The following CCDC7 variants were observed in gnomAD, a reference collection of about 807,000 sequenced individuals.
The protein encoded by CCDC7 is coiled-coil domain containing 7.
Under a neutral mutation model 196.9 loss-of-function variants are expected in CCDC7, and 183 were observed. The ratio of observed to expected loss-of-function variants is 0.93; its 90% CI spans 0.82 to 1.05. CCDC7 has a LOEUF of 1.05. Ranked by LOEUF, CCDC7 falls within the 50% of genes least tolerant of loss-of-function variation. The probability of loss-of-function intolerance (pLI) is 0.00; values close to 1 mark genes in which losing one functional copy is unlikely to be tolerated. For missense variants in CCDC7, 1,540 were observed against 1,482.2 expected (o/e 1.04, Z -0.64); for synonymous variants, 525 against 484.6 (o/e 1.08, Z -1.10).
chr10:32,478,715 T>C (rs555847732), intron 8 of CCDC7, among the ~76,000 whole-genome samples: 1 of 152,276 alleles, frequency 6.6e-6, no homozygotes, highest in East Asian at 1.9e-4. Flanking sequence ...TAATGTTTTG[T>C]TGAGGATTTT....
intron 24 of CCDC7, among the ~76,000 whole-genome samples, chr10:32,704,655 A>G (rs996077160): frequency 6.6e-6 from 1 of 152,082 alleles, no homozygotes; most frequent in Non-Finnish European, 1.5e-5. Flanking sequence ...GGTGGGCTCC[A>G]CCCAGTTCGA....
chr10:32,659,067 C>G (rs2070653108), intron 20 of CCDC7, among the ~76,000 whole-genome samples: 1 of 152,060 alleles, frequency 6.6e-6, no homozygotes, highest in African/African-American at 2.4e-5. Flanking sequence ...TTTCCTTCCT[C>G]CTATTAACTG....
At chr10:32,756,931 GA>G (rs879234489) in intron 28 of CCDC7, among the ~76,000 whole-genome samples, 1 of 151,964 alleles carries the variant, frequency 6.6e-6, no homozygotes, top group South Asian at 2.1e-4. Context: ...GGAAAACAAA[GA>G]AAAAGCAGGA....
intron 13 of CCDC7, among the ~76,000 whole-genome samples, chr10:32,564,850 G>A (rs2056508993): frequency 6.6e-6 from 1 of 152,046 alleles, no homozygotes; most frequent in Admixed American, 6.6e-5. Context: ...GGTGGCTCAT[G>A]CCTATAATCC....
At chr10:32,873,041 TC>T (rs1383606045) in intron 41 of CCDC7, among the ~76,000 whole-genome samples, 10 of 152,126 alleles carry the variant, frequency 6.6e-5, no homozygotes, top group African/African-American at 2.4e-4. Flanking sequence ...TCGAGGAGTA[TC>T]TTTTTGGCTT....
chr10:32,799,952 C>T (rs2084433193), intron 29 of CCDC7, among the ~76,000 whole-genome samples: 1 of 152,234 alleles, frequency 6.6e-6, no homozygotes, highest in Non-Finnish European at 1.5e-5. Flanking sequence ...CAAATTGCTT[C>T]TGGTGGGCCT....
At chr10:32,819,377 C>T (rs1181999872) in intron 31 of CCDC7, among the ~76,000 whole-genome samples, 2 of 152,064 alleles carry the variant, frequency 1.3e-5, no homozygotes, top group Admixed American at 6.6e-5. Flanking sequence ...GCTGAATTCT[C>T]CCAGAGGTAA....
intron 13 of CCDC7, among the ~76,000 whole-genome samples, chr10:32,551,761 G>A (rs2053513799): frequency 6.6e-6 from 1 of 152,106 alleles, no homozygotes; most frequent in Admixed American, 6.5e-5. Flanking sequence ...GTCTGAGAGA[G>A]TGCTTGATAT....
At chr10:32,524,148 C>T (rs2048322779) in intron 11 of CCDC7, among the ~76,000 whole-genome samples, 2 of 144,574 alleles carry the variant, frequency 1.4e-5, no homozygotes, top group East Asian at 4.0e-4. Flanking sequence ...TTGTGTATTC[C>T]TTGCTTGTTT....
chr10:32,524,011 C>T (rs1425267783), intron 11 of CCDC7, among the ~76,000 whole-genome samples: 2 of 150,236 alleles, frequency 1.3e-5, no homozygotes, highest in East Asian at 1.9e-4. Flanking sequence ...GGGACTTGCT[C>T]CTGCCATTTT....
intron 11 of CCDC7, among the ~76,000 whole-genome samples, chr10:32,523,421 C>T (rs111594644): frequency 1.1e-4 from 16 of 152,040 alleles, no homozygotes; most frequent in South Asian, 2.1e-4. Flanking sequence ...TGGTGGCAGG[C>T]GCCCGTAGTC....
intron 41 of CCDC7, among the ~76,000 whole-genome samples, chr10:32,855,811 C>A (rs1188216753): frequency 6.6e-6 from 1 of 152,148 alleles, no homozygotes. Context: ...AAGACTTACA[C>A]TTCATAATTT....
upstream of CCDC7, among the ~76,000 whole-genome samples, chr10:32,450,376 A>C (rs574292348): frequency 2.0e-5 from 3 of 152,264 alleles, no homozygotes; most frequent in Admixed American, 6.5e-5. Context: ...ATCTGCAAAG[A>C]CCCTATTTTC....
At chr10:32,769,383 A>T (rs1232669891) in intron 28 of CCDC7, among the ~76,000 whole-genome samples, 13 of 150,598 alleles carry the variant, frequency 8.6e-5, no homozygotes, top group African/African-American at 3.2e-4. Context: ...GTTTACTTGG[A>T]TTTTTTTTTG....
chr10:32,809,430 TAAAAC>T (rs1009032401), intron 30 of CCDC7, among the ~76,000 whole-genome samples: 12 of 151,946 alleles, frequency 7.9e-5, no homozygotes, highest in African/African-American at 2.9e-4. Flanking sequence ...ATTCAATTAA[TAAAAC>T]AAAAAATACA....
At chr10:32,787,005 T>C (rs2081994121) in intron 29 of CCDC7, among the ~76,000 whole-genome samples, 1 of 151,954 alleles carries the variant, frequency 6.6e-6, no homozygotes, top group Admixed American at 6.5e-5. Flanking sequence ...CATAGGACAA[T>C]TGTGATTATT....
At chr10:32,552,469 T>C (rs1365130692) in intron 13 of CCDC7, among the ~76,000 whole-genome samples, 1 of 152,200 alleles carries the variant, frequency 6.6e-6, no homozygotes, top group Non-Finnish European at 1.5e-5. Flanking sequence ...TGTTTATTTG[T>C]TTTTTGCTTT....
intron 21 of CCDC7, among the ~76,000 whole-genome samples, chr10:32,669,567 ATTAGT>A (rs1363330461): frequency 2.2e-4 from 33 of 152,092 alleles, no homozygotes; most frequent in Non-Finnish European, 2.9e-5. Flanking sequence ...CTTACTCATT[ATTAGT>A]TTATTCATAT....
rs1370900776 is a variant in CCDC7 at position 32,694,999 on chromosome 10, AT to A, written c.2458+8del. 3 of 1,440,806 alleles carry A rather than the reference AT, an allele frequency of 2.1e-6. No individual in the cohort carries two copies. Among genetic ancestry groups the A allele is most frequent in the Non-Finnish European group, 2.8e-6 (3 of 1,053,052 alleles). 89.3% of individuals were successfully genotyped at this position (1,440,806 alleles called of 1,614,324 possible). On this transcript the variant is annotated splice_region_variant and intron_variant, in intron 24 of 41. Coordinates refer to ENST00000639629, the Ensembl canonical transcript of CCDC7. ...AGAGAGAAAAGACATAGTAGTAAGT[AT>A]AATAATTATAGATAACTTAAAAATT... is the stretch of plus-strand genomic sequence containing the variant.
Sources: allele counts gnomAD v4.1 joint callset (sites outside exome capture counted in the v4.1 genomes callset), GRCh38; gene constraint gnomAD v4.1.1; transcripts MANE v1.5; gene names NCBI Gene and HGNC (gene_info 2026-07-23, HGNC 2026-07-21).